Variants in DPP10 observed in about 807,000 individuals in gnomAD.
The protein encoded by DPP10 is dipeptidyl peptidase like 10.
Under a neutral mutation model 120.9 loss-of-function variants are expected in DPP10, and 33 were observed. That is an observed-to-expected ratio of 0.27 (90% confidence interval 0.21 to 0.37). The LOEUF is 0.37. DPP10 is among the 10% of genes least tolerant of loss of function. The pLI, the probability that DPP10 is intolerant of heterozygous loss-of-function variation, is 1.00. For missense variants in DPP10, 816 were observed against 942.8 expected (o/e 0.87, Z 1.76); for synonymous variants, 337 against 326.1 (o/e 1.03, Z -0.36).
intron 1 of DPP10, among the ~76,000 whole-genome samples, chr2:114,952,733 A>G (rs548361112): frequency 6.6e-6 from 1 of 152,316 alleles, no homozygotes; most frequent in South Asian, 2.1e-4. Flanking sequence ...AAATACACAC[A>G]AGATATACTC....
At chr2:114,595,633 G>A (rs930901922) in intron 1 of DPP10, among the ~76,000 whole-genome samples, 1 of 152,252 alleles carries the variant, frequency 6.6e-6, no homozygotes, top group African/African-American at 2.4e-5. Context: ...TATAGTCTGA[G>A]GTGGAGGATG....
chr2:114,694,348 T>C (rs1699943427), intron 1 of DPP10, among the ~76,000 whole-genome samples: 1 of 151,964 alleles, frequency 6.6e-6, no homozygotes, highest in South Asian at 2.1e-4. Context: ...AAATATGTCT[T>C]ACAATTTATG....
intron 1 of DPP10, among the ~76,000 whole-genome samples, chr2:115,002,361 A>T (rs1701500467): frequency 6.6e-6 from 1 of 152,188 alleles, no homozygotes; most frequent in Admixed American, 6.5e-5. Flanking sequence ...TACCATATAT[A>T]ACAATCAATT....
At chr2:115,186,657 A>G (rs1346510493) in intron 1 of DPP10, among the ~76,000 whole-genome samples, 1 of 152,176 alleles carries the variant, frequency 6.6e-6, no homozygotes, top group Admixed American at 6.5e-5. Flanking sequence ...CCTCAACTGT[A>G]TAGTATTTGT....
chr2:115,606,410 G>C (rs1346483968), intron 5 of DPP10, among the ~76,000 whole-genome samples: 1 of 152,086 alleles, frequency 6.6e-6, no homozygotes, highest in African/African-American at 2.4e-5. Flanking sequence ...AAAAATATAA[G>C]TAGATGAAAA....
chr2:114,975,556 C>A (rs778402840), intron 1 of DPP10, among the ~76,000 whole-genome samples: 3 of 152,228 alleles, frequency 2.0e-5, no homozygotes, highest in South Asian at 2.1e-4. Context: ...AGTAAAAATG[C>A]GTTTGTGCTA....
At position 114,663,640 on chromosome 2, in the gene DPP10, GATATATATAT is replaced by G. The variant is rs748891458; in HGVS notation, c.60+220822_60+220831del. ...ATATATGTCTATATATACATGTACA[GATATATATAT>G]ATATATATATATATATATAGAGAGA... is the stretch of plus-strand genomic sequence containing the variant. On this transcript the variant is annotated intron_variant, in intron 1 of 25. Coordinates refer to ENST00000410059, the MANE Select transcript of DPP10 (RefSeq NM_020868.6). 1.2e-3 allele frequency among the ~76,000 whole-genome samples: 129 copies of G among 107,870 alleles called. 1 individual carries two copies. The highest frequency in any genetic ancestry group is 3.4e-3 in the Admixed American group (36 of 10,474). The allele number at this position is 107,870 out of a possible 152,430, so 70.8% of individuals were successfully genotyped here.
intron 1 of DPP10, among the ~76,000 whole-genome samples, chr2:114,667,511 A>G (rs924346857): frequency 9.2e-5 from 14 of 152,216 alleles, no homozygotes; most frequent in Non-Finnish European, 4.4e-5. Context: ...GCTTAATATT[A>G]TTGCTTAGCT....
intron 1 of DPP10, among the ~76,000 whole-genome samples, chr2:115,260,364 G>A (rs1179377440): frequency 1.3e-5 from 2 of 152,036 alleles, no homozygotes; most frequent in Admixed American, 6.5e-5. Flanking sequence ...AAGTTTTTGT[G>A]TGCTACTTTT....
chr2:114,550,071 T>A (rs1473895128), intron 1 of DPP10, among the ~76,000 whole-genome samples: 1 of 152,182 alleles, frequency 6.6e-6, no homozygotes, highest in African/African-American at 2.4e-5. Flanking sequence ...TTGAGCCCAT[T>A]TTATTCTTGC....
intron 1 of DPP10, among the ~76,000 whole-genome samples, chr2:115,003,443 T>A (rs1401022225): frequency 6.6e-6 from 1 of 151,896 alleles, no homozygotes; most frequent in African/African-American, 2.4e-5. Flanking sequence ...GATGAAATAA[T>A]ATATACACGA....
At chr2:114,514,565 T>C (rs886751392) in intron 1 of DPP10, among the ~76,000 whole-genome samples, 1 of 152,150 alleles carries the variant, frequency 6.6e-6, no homozygotes, top group Non-Finnish European at 1.5e-5. Flanking sequence ...ACATTCCACA[T>C]GCCCTCAGGA....
At chr2:114,796,972 T>C (rs980513837) in intron 1 of DPP10, among the ~76,000 whole-genome samples, 2 of 152,184 alleles carry the variant, frequency 1.3e-5, no homozygotes, top group African/African-American at 4.8e-5. Context: ...TTAGGTGGTT[T>C]GATCATAGAA....
At chr2:115,456,592 A>G (rs1451359856) in intron 3 of DPP10, among the ~76,000 whole-genome samples, 1 of 152,204 alleles carries the variant, frequency 6.6e-6, no homozygotes, top group East Asian at 1.9e-4. Flanking sequence ...TGGATAAAGA[A>G]AATCTGGCCC....
chr2:114,666,768 T>G (rs1697953607), intron 1 of DPP10, among the ~76,000 whole-genome samples: 1 of 152,182 alleles, frequency 6.6e-6, no homozygotes, highest in South Asian at 2.1e-4. Context: ...AAAATAATAC[T>G]GTTATAGCTG....
chr2:114,867,983 A>G (rs554817806), intron 1 of DPP10, among the ~76,000 whole-genome samples: 167 of 152,362 alleles, frequency 1.1e-3, no homozygotes, highest in Middle Eastern at 3.4e-3. Flanking sequence ...TTTCAAAACA[A>G]GAATGACAAG....
intron 1 of DPP10, among the ~76,000 whole-genome samples, chr2:115,194,180 G>A (rs530115982): frequency 6.2e-4 from 93 of 151,172 alleles, no homozygotes; most frequent in African/African-American, 2.1e-3. Context: ...TGCTGCTACC[G>A]ATTGAATGCA....
intron 4 of DPP10, among the ~76,000 whole-genome samples, chr2:115,518,771 A>T (rs574697793): frequency 2.6e-5 from 4 of 152,290 alleles, no homozygotes; most frequent in Non-Finnish European, 5.9e-5. Flanking sequence ...TCATCTTGTA[A>T]GTATTATGTT....
chr2:114,666,348 C>T (rs1291422039), intron 1 of DPP10, among the ~76,000 whole-genome samples: 2 of 152,132 alleles, frequency 1.3e-5, no homozygotes, highest in Admixed American at 6.5e-5. Flanking sequence ...TTATTTCTAA[C>T]ACTGATATAA....
Sources: allele counts gnomAD v4.1 joint callset (sites outside exome capture counted in the v4.1 genomes callset), GRCh38; gene constraint gnomAD v4.1.1; transcripts MANE v1.5; gene names NCBI Gene and HGNC (gene_info 2026-07-23, HGNC 2026-07-21).